Variants in MECOM observed in about 807,000 individuals in gnomAD.
The protein encoded by MECOM is histone-lysine N-methyltransferase MECOM.
A neutral mutation model predicts 116.3 loss-of-function variants in MECOM; 13 were observed. That is an observed-to-expected ratio of 0.11 (90% CI 0.07 to 0.18). The LOEUF (loss-of-function observed/expected upper bound fraction) is 0.18. Among genes scored for constraint, MECOM ranks in the 10% least tolerant of loss-of-function variants. The pLI is 1.00. For synonymous variants in MECOM, 528 were observed against 535.2 expected (o/e 0.99, Z 0.19); for missense variants, 1,299 against 1,509.0 (o/e 0.86, Z 2.31).
At chr3:169,512,847 A>C (rs2109034308) in intron 1 of MECOM, among the ~76,000 whole-genome samples, 1 of 151,740 alleles carries the variant, frequency 6.6e-6, no homozygotes, top group East Asian at 1.9e-4. Flanking sequence ...CAACACTTTC[A>C]TCACCAGGAG....
At chr3:169,486,243 G>T (rs1752372710) in intron 1 of MECOM, among the ~76,000 whole-genome samples, 1 of 151,624 alleles carries the variant, frequency 6.6e-6, no homozygotes, top group South Asian at 2.1e-4. Flanking sequence ...TGCCTAAGTT[G>T]AGTCTTTAAT....
At chr3:169,219,219 T>G (rs914219910) in intron 2 of MECOM, among the ~76,000 whole-genome samples, 2 of 151,990 alleles carry the variant, frequency 1.3e-5, no homozygotes, top group African/African-American at 4.8e-5. Context: ...AAAAAAAAAT[T>G]TAATAGGCCA....
intron 2 of MECOM, among the ~76,000 whole-genome samples, chr3:169,379,200 C>T (rs965955553): frequency 5.3e-5 from 8 of 151,054 alleles, no homozygotes; most frequent in Non-Finnish European, 1.2e-4. Context: ...AGCTCAACTG[C>T]TCCTCTGTGG....
chr3:169,346,307 T>A (rs943482280), intron 2 of MECOM, among the ~76,000 whole-genome samples: 10 of 152,108 alleles, frequency 6.6e-5, no homozygotes, highest in Admixed American at 1.3e-4. Flanking sequence ...GAACTGCATA[T>A]TTTCAAAGTG....
intron 2 of MECOM, among the ~76,000 whole-genome samples, chr3:169,294,527 T>C (rs545626811): frequency 6.6e-6 from 1 of 152,160 alleles, no homozygotes; most frequent in Admixed American, 6.6e-5. Context: ...ATGTCCCCAT[T>C]GTATGGAGCT....
chr3:169,250,748 G>A (rs1456274989), intron 2 of MECOM, among the ~76,000 whole-genome samples: 2 of 151,916 alleles, frequency 1.3e-5, no homozygotes, highest in Admixed American at 6.6e-5. Context: ...TGAAATTTAA[G>A]GATTAACAAA....
chr3:169,294,237 T>C (rs2149701574), intron 2 of MECOM, among the ~76,000 whole-genome samples: 1 of 152,342 alleles, frequency 6.6e-6, no homozygotes, highest in Non-Finnish European at 1.5e-5. Flanking sequence ...TCACTATACT[T>C]GCCTTATCTA....
At chr3:169,256,426 T>A (rs548125098) in intron 2 of MECOM, among the ~76,000 whole-genome samples, 1 of 152,086 alleles carries the variant, frequency 6.6e-6, no homozygotes, top group Non-Finnish European at 1.5e-5. Flanking sequence ...AAATTCAAGG[T>A]TATATATGTC....
chr3:169,604,239 C>G (rs1443231444), intron 1 of MECOM, among the ~76,000 whole-genome samples: 1 of 151,928 alleles, frequency 6.6e-6, no homozygotes, highest in East Asian at 1.9e-4. Flanking sequence ...CTCTCTCTCT[C>G]TCCCTCCCTC....
At chr3:169,228,276 T>C (rs1478102411) in intron 2 of MECOM, among the ~76,000 whole-genome samples, 3 of 152,204 alleles carry the variant, frequency 2.0e-5, no homozygotes, top group Non-Finnish European at 1.5e-5. Flanking sequence ...TACTAAACAG[T>C]CATAATGGAA....
At chr3:169,148,504 T>A (rs566276329) in intron 2 of MECOM, among the ~76,000 whole-genome samples, 13 of 152,290 alleles carry the variant, frequency 8.5e-5, no homozygotes, top group Admixed American at 6.5e-4. Context: ...TCCCACTGGC[T>A]AAATGGAAGT....
intron 1 of MECOM, among the ~76,000 whole-genome samples, chr3:169,435,551 A>G (rs1483391560): frequency 6.6e-6 from 1 of 152,212 alleles, no homozygotes. Context: ...CTACCTTAGG[A>G]GAACTGTCAA....
intron 1 of MECOM, among the ~76,000 whole-genome samples, chr3:169,571,572 C>T (rs900381293): frequency 2.0e-5 from 3 of 152,096 alleles, no homozygotes; most frequent in Admixed American, 6.6e-5. Flanking sequence ...GGAGGCATCA[C>T]GCTACCTGAC....
At chr3:169,559,096 T>C (rs1560431497) in intron 1 of MECOM, among the ~76,000 whole-genome samples, 1 of 151,726 alleles carries the variant, frequency 6.6e-6, no homozygotes, top group African/African-American at 2.4e-5. Flanking sequence ...TCTCCTAAGC[T>C]AGGACTGCCA....
chr3:169,123,430 A>T (rs1731757655), intron 5 of MECOM, among the ~76,000 whole-genome samples: 1 of 151,856 alleles, frequency 6.6e-6, no homozygotes, highest in African/African-American at 2.4e-5. Context: ...TAAAAGAAAA[A>T]CATGATTAGA....
chr3:169,563,870 CAA>C (rs960397285), intron 1 of MECOM, among the ~76,000 whole-genome samples: 2 of 152,150 alleles, frequency 1.3e-5, no homozygotes, highest in Non-Finnish European at 2.9e-5. Flanking sequence ...TCAGAAATGT[CAA>C]GTGTAGGTGC....
At chr3:169,430,677 G>T (rs16853717) in intron 1 of MECOM, among the ~76,000 whole-genome samples, 17,579 of 152,150 alleles carry the variant, frequency 0.12, 1,292 homozygotes, top group East Asian at 0.3. Flanking sequence ...CTGGTCATTT[G>T]TTACCTGCTA....
chr3:169,423,125 A>G (rs1222116208), intron 1 of MECOM, among the ~76,000 whole-genome samples: 1 of 152,072 alleles, frequency 6.6e-6, no homozygotes, highest in Non-Finnish European at 1.5e-5. Context: ...TGCATTTCTA[A>G]TAAGCTCCTA....
At chr3:169,275,754 G>A (rs191191183) in intron 2 of MECOM, among the ~76,000 whole-genome samples, 224 of 152,248 alleles carry the variant, frequency 1.5e-3, no homozygotes, top group Admixed American at 3.4e-3. Context: ...AAATGGGTTG[G>A]CAATGCTGGA....
Sources: allele counts gnomAD v4.1 joint callset (sites outside exome capture counted in the v4.1 genomes callset), GRCh38; gene constraint gnomAD v4.1.1; transcripts MANE v1.5; gene names NCBI Gene and HGNC (gene_info 2026-07-23, HGNC 2026-07-21).